Variants in FOXP1 observed in about 807,000 individuals in gnomAD.
FOXP1 encodes the protein forkhead box P1, also known as forkhead box protein P1.
In FOXP1, 15 loss-of-function variants were observed where a neutral mutation model predicts 98.2. The ratio of observed to expected loss-of-function variants is 0.15; its 90% CI spans 0.10 to 0.24. The LOEUF (loss-of-function observed/expected upper bound fraction) is 0.24, where lower values mean the gene tolerates loss of function less well. Among genes scored for constraint, FOXP1 ranks in the 10% least tolerant of loss-of-function variants. The pLI is 1.00. For synonymous variants in FOXP1, 371 were observed against 314.5 expected, an observed-to-expected ratio of 1.18 and a Z score of -1.90; for missense variants, 633 against 848.5, an observed-to-expected ratio of 0.75 and a Z score of 3.15.
At chr3:71,471,489 T>C (rs1158041412) in intron 3 of FOXP1, among the ~76,000 whole-genome samples, 1 of 152,022 alleles carries the variant, frequency 6.6e-6, no homozygotes, top group Non-Finnish European at 1.5e-5. Context: ...TCACCCAGAG[T>C]ACAAACGAAT....
intron 5 of FOXP1, among the ~76,000 whole-genome samples, chr3:71,248,556 C>T (rs1360954114): frequency 6.6e-6 from 1 of 152,096 alleles, no homozygotes; most frequent in Non-Finnish European, 1.5e-5. Flanking sequence ...GCCTGACCAA[C>T]ATGGTGAAAC....
chr3:71,185,283 A>G (rs1247187757), intron 6 of FOXP1, among the ~76,000 whole-genome samples: 1 of 152,228 alleles, frequency 6.6e-6, no homozygotes, highest in African/African-American at 2.4e-5. Flanking sequence ...ACTTAAAAAC[A>G]GAATCAAGAA....
At chr3:71,369,498 G>A (rs1203127797) in intron 3 of FOXP1, among the ~76,000 whole-genome samples, 3 of 152,148 alleles carry the variant, frequency 2.0e-5, no homozygotes, top group Admixed American at 6.5e-5. Context: ...GGGTTCAAGC[G>A]ATTCTCCTGC....
intron 3 of FOXP1, among the ~76,000 whole-genome samples, chr3:71,385,206 A>G (rs1009500259): frequency 6.6e-6 from 1 of 152,184 alleles, no homozygotes; most frequent in Non-Finnish European, 1.5e-5. Flanking sequence ...GGAGAGACAT[A>G]CCAACCCAAA....
intron 7 of FOXP1, among the ~76,000 whole-genome samples, chr3:71,079,089 G>T (rs1229959292): frequency 6.6e-6 from 1 of 152,232 alleles, no homozygotes; most frequent in South Asian, 2.1e-4. Flanking sequence ...CCAGTATTTG[G>T]TAAGTGACAG....
At chr3:71,572,410 G>C (rs990536880) in intron 2 of FOXP1, 1 of 152,200 alleles carries the variant, frequency 6.6e-6, no homozygotes, top group Non-Finnish European at 1.5e-5. Flanking sequence ...CAAATTTAAA[G>C]AACTTGTCTT....
intron 3 of FOXP1, among the ~76,000 whole-genome samples, chr3:71,462,989 CT>C (rs1448185396): frequency 6.6e-6 from 1 of 152,202 alleles, no homozygotes; most frequent in African/African-American, 2.4e-5. Flanking sequence ...TGGAAGGTGC[CT>C]GCCTGCAAGG....
At chr3:71,399,395 G>T (rs1161199622) in intron 3 of FOXP1, among the ~76,000 whole-genome samples, 1 of 152,178 alleles carries the variant, frequency 6.6e-6, no homozygotes, top group Non-Finnish European at 1.5e-5. Flanking sequence ...CTTAAGGAAA[G>T]TATAAAATAC....
chr3:70,972,174 T>C (rs1314951956), intron 18 of FOXP1: 2 of 1,523,940 alleles, frequency 1.3e-6, no homozygotes, highest in Non-Finnish European at 1.8e-6. Flanking sequence ...TTGGTGCGAA[T>C]GGCACCCTGG....
intron 2 of FOXP1, among the ~76,000 whole-genome samples, chr3:71,549,860 TAAAA>T (rs55826932): frequency 6.7e-5 from 4 of 59,892 alleles, no homozygotes; most frequent in African/African-American, 1.8e-4. Flanking sequence ...ATGCTGGGAG[TAAAA>T]AAAAAAAAAA....
At chr3:71,192,479 A>C (rs1440470006) in intron 6 of FOXP1, among the ~76,000 whole-genome samples, 1 of 152,170 alleles carries the variant, frequency 6.6e-6, no homozygotes, top group Non-Finnish European at 1.5e-5. Flanking sequence ...ACCAACAGCT[A>C]TTTCTTGCAG....
chr3:71,178,892 A>C (rs1255631636), intron 6 of FOXP1, among the ~76,000 whole-genome samples: 2 of 151,672 alleles, frequency 1.3e-5, no homozygotes, highest in Non-Finnish European at 2.9e-5. Context: ...TCAAAAACAA[A>C]AAACAAACAA....
intron 9 of FOXP1, among the ~76,000 whole-genome samples, chr3:71,050,053 T>C (rs1202482531): frequency 2.0e-5 from 3 of 152,200 alleles, no homozygotes; most frequent in Admixed American, 2.0e-4. Flanking sequence ...GACCTGGAGA[T>C]GCAAGAATGT....
At chr3:71,447,739 T>C (rs1032639230) in intron 3 of FOXP1, among the ~76,000 whole-genome samples, 1 of 152,176 alleles carries the variant, frequency 6.6e-6, no homozygotes, top group Non-Finnish European at 1.5e-5. Context: ...CTGGCCTTTT[T>C]CATATATTTT....
intron 19 of FOXP1, chr3:70,969,929 G>C (rs942978710): frequency 2.6e-5 from 4 of 152,286 alleles, no homozygotes; most frequent in East Asian, 1.9e-4. Flanking sequence ...ACTCTTGAGG[G>C]GGGACTTGAG....
chr3:71,292,336 G>T (rs2072843329), intron 5 of FOXP1, among the ~76,000 whole-genome samples: 1 of 152,018 alleles, frequency 6.6e-6, no homozygotes, highest in South Asian at 2.1e-4. Context: ...TTTTACTTTT[G>T]ATTTATTTAT....
chr3:71,144,054 A>T (rs1445287938), intron 6 of FOXP1, among the ~76,000 whole-genome samples: 1 of 152,214 alleles, frequency 6.6e-6, no homozygotes, highest in Non-Finnish European at 1.5e-5. Flanking sequence ...GGAAAAAAAA[A>T]AGTATACAAG....
chr3:71,064,690 G>A (rs1399938318), intron 7 of FOXP1: 18 of 561,734 alleles, frequency 3.2e-5, no homozygotes, highest in Non-Finnish European at 4.1e-5. Flanking sequence ...CGAGGATGAG[G>A]ATGATTTTTT....
Position 71,581,559 on chromosome 3 carries a change from C to G in FOXP1, c.-308G>C. 1.0e-6 allele frequency: 1 copy of G among 985,460 alleles called. No individual in the cohort carries two copies. Among genetic ancestry groups the G allele is most frequent in the Non-Finnish European group, 1.2e-6 (1 of 829,970 alleles). 61.0% of individuals were successfully genotyped at this position (985,460 alleles called of 1,614,324 possible). A position where few individuals can be genotyped will look rare whatever the true frequency, so the allele number is the denominator to read the frequency against. ...GCCGCCTCGACTTACCCGCGGAGTCCGGGGAGGGAGTAGGAGCGCCGCCTT... is the reference window on the plus strand; with the variant it reads ...GCCGCCTCGACTTACCCGCGGAGTCGGGGGAGGGAGTAGGAGCGCCGCCTT... On this transcript the variant is annotated 5_prime_UTR_variant, in exon 2 of 21. Transcript: ENST00000649528.
Sources: gnomAD v4.1 joint callset for allele counts (sites outside exome capture counted in the v4.1 genomes callset) on GRCh38, gnomAD v4.1.1 for gene constraint, MANE v1.5 for transcripts, NCBI Gene and HGNC (gene_info 2026-07-23, HGNC 2026-07-21) for gene names.